Variants in PCDHA10 observed in about 807,000 individuals in gnomAD.
The protein encoded by PCDHA10 is protocadherin alpha 10.
A neutral mutation model predicts 61.2 loss-of-function variants in PCDHA10; 45 were observed. That is an observed-to-expected ratio of 0.74 (90% confidence interval 0.58 to 0.94). The LOEUF (loss-of-function observed/expected upper bound fraction) is 0.94, where lower values mean the gene tolerates loss of function less well. Among genes scored for constraint, PCDHA10 ranks in the 40% least tolerant of loss-of-function variants. The pLI is 0.00. For missense variants in PCDHA10, 1,278 were observed against 1,236.2 expected (o/e 1.03, Z -0.51); for synonymous variants, 602 against 548.8 (o/e 1.10, Z -1.35).
Position 140,857,419 on chromosome 5 carries a change from C to G in PCDHA10, c.1371C>G (p.Ser457=). Residue 457 remains serine, a synonymous_variant, in exon 1 of 4, where the codon TCC becomes TCG. Transcript: ENST00000307360. ...ACAACGCGCCTGCGTTCGCGCAGTC[C>G]GAGTACACGGTGTTCGTGAAGGAGA... The part of the protein sequence containing the change: ...VNDNAPAFAQ[S]EYTVFVKENN... 3 of 1,598,332 alleles carry G rather than the reference C, an allele frequency of 1.9e-6. No individual in the cohort carries two copies. The highest frequency in any genetic ancestry group is 2.6e-6 in the Non-Finnish European group (3 of 1,167,822).
chr5:140,882,335 GCCTGGGAGACGGGTAGTGGCCAGCT>G (rs1554173599), intron 1 of PCDHA10: 11 of 1,614,078 alleles, frequency 6.8e-6, no homozygotes, highest in Non-Finnish European at 9.3e-6. Flanking sequence ...GATCCTCGCA[GCCTGGGAGACGGGTAGTGGCCAGCT>G]CCACTACTCC....
intron 1 of PCDHA10, chr5:140,883,843 C>G: frequency 6.2e-7 from 1 of 1,612,786 alleles, no homozygotes; most frequent in Non-Finnish European, 8.5e-7. Context: ...CGTTGGACCA[C>G]GAGGAGCTGG....
At chr5:140,972,353 T>C (rs571045648) in intron 1 of PCDHA10, among the ~76,000 whole-genome samples, 5 of 152,058 alleles carry the variant, frequency 3.3e-5, no homozygotes, top group South Asian at 2.1e-4. Flanking sequence ...TCTCACTATG[T>C]TGCACATGCT....
At chr5:140,937,788 T>C (rs2091751340) in intron 1 of PCDHA10, among the ~76,000 whole-genome samples, 1 of 149,320 alleles carries the variant, frequency 6.7e-6, no homozygotes, top group African/African-American at 2.5e-5. Flanking sequence ...GGCGGGCGTA[T>C]GTAGTCCCAG....
intron 1 of PCDHA10, among the ~76,000 whole-genome samples, chr5:140,886,264 A>T (rs1471846282): frequency 3.3e-5 from 5 of 151,982 alleles, no homozygotes; most frequent in Admixed American, 3.3e-4. Flanking sequence ...CTATTTATAG[A>T]TAAAATTTTT....
intron 1 of PCDHA10, chr5:140,876,048 T>C (rs376201695): frequency 6.2e-7 from 1 of 1,613,930 alleles, no homozygotes. Context: ...GTATATTGCC[T>C]GAATTAGTTC....
chr5:141,009,929 G>T lies in PCDHA10; in HGVS notation c.2839G>T (p.Asp947Tyr). Residue 947 changes from aspartate to tyrosine, a missense_variant, in exon 4 of 4, where the codon GAC becomes TAC. Transcript: ENST00000307360. Reference protein sequence around the residue: ...EKGNSTTDNSDQ With the variant: ...EKGNSTTDNSYQ ...AGGGAACAGCACGACTGACAACAGT[G>T]ACCAGTGAGGTCCTCAAATGGAAAC... 1 of 1,603,730 alleles carries T rather than the reference G, an allele frequency of 6.2e-7. No homozygotes were observed. The highest frequency in any genetic ancestry group is 1.1e-5 in the South Asian group (1 of 89,000).
At chr5:140,928,008 T>C in intron 1 of PCDHA10, 1 of 1,614,158 alleles carries the variant, frequency 6.2e-7, no homozygotes, top group Non-Finnish European at 8.5e-7. Context: ...TCGATTCTAA[T>C]GGTAGGGTCA....
At chr5:140,958,703 C>T (rs1302459806) in intron 1 of PCDHA10, among the ~76,000 whole-genome samples, 3 of 152,112 alleles carry the variant, frequency 2.0e-5, no homozygotes, top group Non-Finnish European at 4.4e-5. Flanking sequence ...AGAGTGACAA[C>T]TCTGTTATAA....
At chr5:140,903,570 C>G (rs781884167) in intron 1 of PCDHA10, among the ~76,000 whole-genome samples, 3 of 152,154 alleles carry the variant, frequency 2.0e-5, no homozygotes, top group Non-Finnish European at 4.4e-5. Context: ...GAATTGGGAG[C>G]TGTCTAGCTG....
intron 3 of PCDHA10, among the ~76,000 whole-genome samples, chr5:140,990,831 A>G (rs1004872074): frequency 6.6e-6 from 1 of 152,192 alleles, no homozygotes; most frequent in Non-Finnish European, 1.5e-5. Context: ...GCTAAAGCCT[A>G]TTAGCAAAAA....
chr5:140,961,938 C>T (rs1443851298), intron 1 of PCDHA10, among the ~76,000 whole-genome samples: 3 of 151,024 alleles, frequency 2.0e-5, no homozygotes, highest in African/African-American at 7.3e-5. Flanking sequence ...GGCTGGAGTG[C>T]AGTGGCATGA....
rs1554150531 is a variant in PCDHA10 at position 140,857,694 on chromosome 5, C to A, written c.1646C>A (p.Thr549Lys). Residue 549 changes from threonine to lysine, a missense_variant, in exon 1 of 4, where the codon ACG (threonine) becomes AAG (lysine). Transcript: ENST00000307360. The part of the protein sequence containing the change: ...GGVPPLGSNL[T>K]LQVFVLDEND... ...GTGCCGCCTCTGGGCAGCAACTTGA[C>A]GCTGCAGGTGTTCGTGCTGGACGAG... 1 of 1,597,142 alleles carries A rather than the reference C, an allele frequency of 6.3e-7. No individual in the cohort carries two copies.
At chr5:140,995,653 G>A (rs964259982) in intron 3 of PCDHA10, among the ~76,000 whole-genome samples, 1 of 152,100 alleles carries the variant, frequency 6.6e-6, no homozygotes, top group Non-Finnish European at 1.5e-5. Context: ...AAGGAGAATC[G>A]AAAAGGGAAG....
chr5:140,875,591 A>C, intron 1 of PCDHA10: 2 of 1,613,998 alleles, frequency 1.2e-6, no homozygotes, highest in Non-Finnish European at 1.7e-6. Context: ...GAGGAGGCCA[A>C]ACACGGCACC....
intron 1 of PCDHA10, among the ~76,000 whole-genome samples, chr5:140,945,576 T>G (rs1383348275): frequency 6.6e-6 from 1 of 152,064 alleles, no homozygotes; most frequent in African/African-American, 2.4e-5. Context: ...ACTACCTGGC[T>G]TCAAAATATA....
intron 1 of PCDHA10, among the ~76,000 whole-genome samples, chr5:140,898,910 C>G (rs1313149642): frequency 6.6e-6 from 1 of 152,040 alleles, no homozygotes; most frequent in African/African-American, 2.4e-5. Context: ...CTTCACGTCC[C>G]TTGTAAGTTG....
intron 1 of PCDHA10, chr5:140,863,366 C>A: frequency 8.4e-7 from 1 of 1,190,444 alleles, no homozygotes; most frequent in Non-Finnish European, 1.2e-6. Context: ...CGGTGCTTGG[C>A]GCAGCTCACC....
At chr5:140,905,766 A>G (rs782122019) in intron 1 of PCDHA10, among the ~76,000 whole-genome samples, 15 of 152,144 alleles carry the variant, frequency 9.9e-5, no homozygotes, top group African/African-American at 2.7e-4. Flanking sequence ...GGTTAAGTAT[A>G]TTCCGAAGTG....
Sources: allele counts gnomAD v4.1 joint callset (sites outside exome capture counted in the v4.1 genomes callset), GRCh38; gene constraint gnomAD v4.1.1; transcripts MANE v1.5; gene names NCBI Gene and HGNC (gene_info 2026-07-23, HGNC 2026-07-21).